Variants in UNC5D observed in about 807,000 individuals in gnomAD.
UNC5D encodes the protein unc-5 netrin receptor D.
A neutral mutation model predicts 105.4 loss-of-function variants in UNC5D; 39 were observed. The observed-to-expected ratio is 0.37, with a 90% confidence interval of 0.29 to 0.48. UNC5D has a LOEUF of 0.48. UNC5D is among the 20% of genes least tolerant of loss of function. The pLI is 0.98. For missense variants in UNC5D, 991 were observed against 1,202.4 expected, an observed-to-expected ratio of 0.82 and a Z score of 2.60; for synonymous variants, 452 against 450.4, an observed-to-expected ratio of 1.00 and a Z score of -0.04.
At chr8:35,241,261 T>A (rs899856947) in intron 1 of UNC5D, among the ~76,000 whole-genome samples, 5 of 152,276 alleles carry the variant, frequency 3.3e-5, no homozygotes, top group Non-Finnish European at 7.3e-5. Flanking sequence ...CGTATGGCCT[T>A]ATTGTGTGCA....
chr8:35,306,966 G>A (rs960482932), intron 1 of UNC5D, among the ~76,000 whole-genome samples: 8 of 151,902 alleles, frequency 5.3e-5, no homozygotes, highest in South Asian at 2.1e-4. Context: ...CTCAAATTTC[G>A]TCAGCACAAA....
intron 1 of UNC5D, among the ~76,000 whole-genome samples, chr8:35,354,972 C>T (rs1801466843): frequency 6.6e-6 from 1 of 152,120 alleles, no homozygotes. Flanking sequence ...GGTAGTCATG[C>T]TTCTTTTATG....
chr8:35,566,651 G>C (rs1817358478), intron 2 of UNC5D, among the ~76,000 whole-genome samples: 1 of 152,136 alleles, frequency 6.6e-6, no homozygotes, highest in African/African-American at 2.4e-5. Context: ...AAATGACGTA[G>C]CCTCCTGAGT....
At chr8:35,466,696 G>T (rs1486885009) in intron 1 of UNC5D, among the ~76,000 whole-genome samples, 2 of 152,102 alleles carry the variant, frequency 1.3e-5, no homozygotes, top group Admixed American at 6.5e-5. Flanking sequence ...TCCTGTATTT[G>T]CCATCATAAT....
intron 1 of UNC5D, among the ~76,000 whole-genome samples, chr8:35,325,415 G>T (rs940301057): frequency 9.2e-5 from 14 of 152,122 alleles, no homozygotes; most frequent in African/African-American, 3.1e-4. Flanking sequence ...GCATAGACAA[G>T]GCAGGCAGAA....
At chr8:35,481,353 C>T (rs989344643) in intron 1 of UNC5D, among the ~76,000 whole-genome samples, 2 of 152,160 alleles carry the variant, frequency 1.3e-5, no homozygotes, top group African/African-American at 2.4e-5. Flanking sequence ...GAGCCATGAT[C>T]ATGCCACTGC....
intron 1 of UNC5D, among the ~76,000 whole-genome samples, chr8:35,519,430 C>A (rs112091230): frequency 2.0e-5 from 3 of 152,004 alleles, no homozygotes; most frequent in Non-Finnish European, 4.4e-5. Flanking sequence ...TAAGCAGTAC[C>A]GAGTAGCTGG....
At chr8:35,240,293 A>G (rs1452603713) in intron 1 of UNC5D, among the ~76,000 whole-genome samples, 1 of 152,132 alleles carries the variant, frequency 6.6e-6, no homozygotes, top group Non-Finnish European at 1.5e-5. Flanking sequence ...CATAAGACCT[A>G]TTATCATGTT....
chr8:35,774,967 A>G (rs1802179006), intron 16 of UNC5D, among the ~76,000 whole-genome samples: 1 of 150,664 alleles, frequency 6.6e-6, no homozygotes, highest in Non-Finnish European at 1.5e-5. Flanking sequence ...ATTTCCTGCT[A>G]CCCCATTCTG....
chr8:35,707,364 A>AT (rs1409199034), intron 8 of UNC5D, among the ~76,000 whole-genome samples: 1 of 152,232 alleles, frequency 6.6e-6, no homozygotes, highest in Non-Finnish European at 1.5e-5. Context: ...TCTGCTGCCC[A>AT]TTAAAAAAAA....
chr8:35,459,031 C>T (rs1808694331), intron 1 of UNC5D, among the ~76,000 whole-genome samples: 1 of 152,142 alleles, frequency 6.6e-6, no homozygotes, highest in South Asian at 2.1e-4. Flanking sequence ...GACCTCCACT[C>T]CCACACATGT....
chr8:35,271,297 A>G (rs1467815545), intron 1 of UNC5D, among the ~76,000 whole-genome samples: 1 of 126,062 alleles, frequency 7.9e-6, no homozygotes, highest in African/African-American at 3.2e-5. Flanking sequence ...GTATATGTAT[A>G]CACACATGCA....
chr8:35,318,854 G>C (rs1422481005), intron 1 of UNC5D, among the ~76,000 whole-genome samples: 6 of 152,054 alleles, frequency 3.9e-5, no homozygotes, highest in Non-Finnish European at 7.4e-5. Context: ...GTGGTTTCTA[G>C]AATTAGCTGT....
intron 8 of UNC5D, among the ~76,000 whole-genome samples, chr8:35,711,432 A>T (rs972304222): frequency 9.2e-5 from 14 of 151,998 alleles, no homozygotes; most frequent in Admixed American, 5.9e-4. Flanking sequence ...CGCCTGCCTT[A>T]ACCTCCCAAA....
At chr8:35,735,684 GAAGA>G (rs1232544545) in intron 11 of UNC5D, among the ~76,000 whole-genome samples, 1 of 152,032 alleles carries the variant, frequency 6.6e-6, no homozygotes, top group Non-Finnish European at 1.5e-5. Context: ...GGAAAATAGA[GAAGA>G]AAGGATAGAA....
Position 35,525,632 on chromosome 8 carries a change from G to A in UNC5D, c.104-23660G>A. 3 of 1,613,506 alleles carry A rather than the reference G, an allele frequency of 1.9e-6. No individual in the cohort carries two copies. The African/African-American group carries it at 4.0e-5, about 22-fold the overall frequency. ...CATGGTTGGGCTTTCCACTGGAAGA[G>A]GGACATTTTAAAGCCAGCATTTTGG... On this transcript the variant is annotated intron_variant, in intron 1 of 16. Transcript: ENST00000404895.
intron 1 of UNC5D, among the ~76,000 whole-genome samples, chr8:35,522,584 T>TC (rs1051636747): frequency 1.3e-5 from 2 of 152,204 alleles, no homozygotes; most frequent in African/African-American, 4.8e-5. Flanking sequence ...TCAGATTTTT[T>TC]CACTGGAATC....
chr8:35,724,363 A>G, intron 9 of UNC5D: 4 of 1,501,928 alleles, frequency 2.7e-6, no homozygotes, highest in Non-Finnish European at 3.6e-6. Context: ...TTTCACCTCC[A>G]CTGTCTTAGA....
At chr8:35,237,179 GTTTTTTTTTTTTT>G (rs3073013) in intron 1 of UNC5D, among the ~76,000 whole-genome samples, 1 of 61,810 alleles carries the variant, frequency 1.6e-5, no homozygotes, top group East Asian at 4.6e-4. Context: ...TTCCTGAAAA[GTTTTTTTTTTTTT>G]TTTTTTTTTT....
Sources: allele counts gnomAD v4.1 joint callset (sites outside exome capture counted in the v4.1 genomes callset), GRCh38; gene constraint gnomAD v4.1.1; transcripts MANE v1.5; gene names NCBI Gene and HGNC (gene_info 2026-07-23, HGNC 2026-07-21).